Variants in DDC observed in about 807,000 individuals in gnomAD.
The protein encoded by DDC is dopa decarboxylase.
A neutral mutation model predicts 60.0 loss-of-function variants in DDC; 43 were observed. The observed-to-expected ratio is 0.72, with a 90% CI of 0.56 to 0.92. DDC has a LOEUF of 0.92. Ranked by LOEUF, DDC falls within the 40% of genes least tolerant of loss-of-function variation. DDC has a pLI of 0.00. For missense variants in DDC, 573 were observed against 620.2 expected (o/e 0.92, Z 0.81); for synonymous variants, 232 against 234.6 (o/e 0.99, Z 0.10).
chr7:50,476,704 C>T, intron 10 of DDC, 61 bp from the exon 11 acceptor site: 2 of 1,451,070 alleles, frequency 1.4e-6, no homozygotes, highest in Non-Finnish European at 9.6e-7. Context: ...TGATCACACG[C>T]TAATCCTTTT....
At chr7:50,555,815 T>A (rs1028284399) in intron 1 of DDC, among the ~76,000 whole-genome samples, 2 of 152,118 alleles carry the variant, frequency 1.3e-5, no homozygotes, top group African/African-American at 4.8e-5. Context: ...ACTCCACACC[T>A]GCTGTAGTCA....
At chr7:50,495,677 T>C (rs913939432) in intron 8 of DDC, among the ~76,000 whole-genome samples, 2 of 152,166 alleles carry the variant, frequency 1.3e-5, no homozygotes, top group African/African-American at 4.8e-5. Flanking sequence ...TATGTTTTGC[T>C]ATATCTAGAT....
At chr7:50,528,627 A>G (rs1032158913) in intron 5 of DDC, among the ~76,000 whole-genome samples, 3 of 152,158 alleles carry the variant, frequency 2.0e-5, no homozygotes, top group African/African-American at 7.2e-5. Context: ...TAGAAATCCT[A>G]GGCTCAAATC....
intron 6 of DDC, among the ~76,000 whole-genome samples, chr7:50,518,052 T>C (rs1422357066): frequency 1.3e-5 from 2 of 150,982 alleles, no homozygotes; most frequent in African/African-American, 2.4e-5. Flanking sequence ...TACTAAAAAA[T>C]ACAAAAAAAT....
chr7:50,527,870 A>C lies in DDC; in HGVS notation c.714+267T>G, dbSNP rs563347750. On this transcript the variant is annotated intron_variant, in intron 6 of 14. Transcript: ENST00000444124. ...ATTGACTTGAATTGACAAAACAAAA[A>C]AAAAAATGGAGGTAAAAAGCGTTTC... is the stretch of plus-strand genomic sequence containing the variant. 175 of 377,884 alleles carry C rather than the reference A, an allele frequency of 4.6e-4. 6 individuals carry two copies. Among genetic ancestry groups the C allele is most frequent in the South Asian group, 3.8e-3 (156 of 41,502 alleles). The allele number at this position is 377,884 out of a possible 1,614,324, so 23.4% of individuals were successfully genotyped here.
intron 10 of DDC, chr7:50,477,632 G>T (rs1237745517): frequency 2.3e-6 from 1 of 432,638 alleles, no homozygotes; most frequent in Non-Finnish European, 4.7e-6. Context: ...TTCCCTAATA[G>T]TTATTTTCTC....
At chr7:50,461,158 G>A (rs1434456535) in intron 14 of DDC, among the ~76,000 whole-genome samples, 1 of 152,060 alleles carries the variant, frequency 6.6e-6, no homozygotes, top group East Asian at 1.9e-4. Context: ...ATGAAACAGA[G>A]ACAATTGTGC....
chr7:50,495,498 TAAAA>T, intron 8 of DDC, 81 bp from the exon 9 acceptor site: 1 of 1,164,454 alleles, frequency 8.6e-7, no homozygotes, highest in Non-Finnish European at 1.2e-6. Context: ...TACATGATAA[TAAAA>T]GTTTATGGCA....
chr7:50,506,759 G>A (rs553439555), intron 6 of DDC, among the ~76,000 whole-genome samples: 27 of 152,354 alleles, frequency 1.8e-4, no homozygotes, highest in Admixed American at 4.6e-4. Context: ...ACAAAGCAAC[G>A]TATTGCACTT....
intron 6 of DDC, among the ~76,000 whole-genome samples, chr7:50,512,321 G>A (rs1020071203): frequency 1.3e-5 from 2 of 152,170 alleles, no homozygotes; most frequent in African/African-American, 4.8e-5. Context: ...CAGATATAGG[G>A]TAAAGAGGAG....
At chr7:50,524,205 C>A (rs567188332) in intron 6 of DDC, among the ~76,000 whole-genome samples, 14 of 152,188 alleles carry the variant, frequency 9.2e-5, no homozygotes, top group African/African-American at 3.1e-4. Flanking sequence ...ATTTTTATGG[C>A]AGTGAAACTA....
intron 6 of DDC, among the ~76,000 whole-genome samples, chr7:50,511,495 G>A (rs931077932): frequency 2.0e-5 from 3 of 152,106 alleles, no homozygotes; most frequent in East Asian, 1.9e-4. Flanking sequence ...TTGGGAGGCC[G>A]AGGCAGGCAG....
intron 14 of DDC, among the ~76,000 whole-genome samples, chr7:50,462,081 A>G (rs2042285711): frequency 1.3e-5 from 2 of 152,200 alleles, no homozygotes; most frequent in Admixed American, 6.5e-5. Flanking sequence ...GTAGGCAATC[A>G]GGAAATGCAT....
At chr7:50,492,977 G>T in intron 9 of DDC, 1 of 1,598,300 alleles carries the variant, frequency 6.3e-7, no homozygotes. Flanking sequence ...GTTTTCTTCA[G>T]CCTTAACATA....
chr7:50,492,992 C>T, intron 9 of DDC: 1 of 1,598,186 alleles, frequency 6.3e-7, no homozygotes, highest in Non-Finnish European at 8.5e-7. Flanking sequence ...AACATACGCA[C>T]TGGTTGTCTG....
chr7:50,563,314 T>C (rs2045378691), intron 1 of DDC, among the ~76,000 whole-genome samples: 1 of 152,208 alleles, frequency 6.6e-6, no homozygotes, highest in Non-Finnish European at 1.5e-5. Context: ...ATTTGCATAA[T>C]GCCACTTAAG....
At chr7:50,556,662 T>C (rs1328238592) in intron 1 of DDC, among the ~76,000 whole-genome samples, 1 of 152,164 alleles carries the variant, frequency 6.6e-6, no homozygotes, top group Non-Finnish European at 1.5e-5. Flanking sequence ...AGGAATCAAA[T>C]CCATCATCTC....
intron 1 of DDC, among the ~76,000 whole-genome samples, chr7:50,561,533 G>T (rs910435291): frequency 3.3e-5 from 5 of 152,174 alleles, no homozygotes; most frequent in African/African-American, 1.2e-4. Flanking sequence ...GTGAGATGTA[G>T]ATTAGGTGTT....
At chr7:50,555,709 G>A (rs148981488) in intron 1 of DDC, among the ~76,000 whole-genome samples, 5 of 152,228 alleles carry the variant, frequency 3.3e-5, no homozygotes, top group Admixed American at 6.5e-5. Flanking sequence ...CCTGGTTCTC[G>A]TATTTAATCT....
Sources: gnomAD v4.1 joint callset for allele counts (sites outside exome capture counted in the v4.1 genomes callset) on GRCh38, gnomAD v4.1.1 for gene constraint, MANE v1.5 for transcripts, NCBI Gene and HGNC (gene_info 2026-07-23, HGNC 2026-07-21) for gene names.